Variants in PNPLA1 observed in about 807,000 individuals in gnomAD.
PNPLA1 encodes omega-hydroxyceramide transacylase.
Under a neutral mutation model 51.7 loss-of-function variants are expected in PNPLA1, and 36 were observed. That is an observed-to-expected ratio of 0.70 (90% CI 0.53 to 0.92). The LOEUF (loss-of-function observed/expected upper bound fraction) is 0.92, where lower values mean the gene tolerates loss of function less well. Among genes scored for constraint, PNPLA1 ranks in the 40% least tolerant of loss-of-function variants. The pLI is 0.00. For synonymous variants in PNPLA1, 293 were observed against 280.1 expected, an observed-to-expected ratio of 1.05 and a Z score of -0.46; for missense variants, 658 against 682.5, an observed-to-expected ratio of 0.96 and a Z score of 0.40.
intron 6 of PNPLA1, among the ~76,000 whole-genome samples, chr6:36,304,479 T>G (rs1009811009): frequency 7.9e-5 from 12 of 151,840 alleles, no homozygotes; most frequent in Middle Eastern, 3.4e-3. Context: ...TACAAAAAAT[T>G]AGCCGGGCAT....
intron 1 of PNPLA1, among the ~76,000 whole-genome samples, chr6:36,279,973 C>T (rs941546933): frequency 2.0e-5 from 3 of 151,842 alleles, no homozygotes; most frequent in Non-Finnish European, 4.4e-5. Context: ...TTTGGGAGGC[C>T]GAGGCAGGCA....
At chr6:36,284,273 A>G (rs1189649768) in intron 1 of PNPLA1, among the ~76,000 whole-genome samples, 1 of 152,212 alleles carries the variant, frequency 6.6e-6, no homozygotes, top group Non-Finnish European at 1.5e-5. Context: ...AAATCCAATT[A>G]TTTAGTAAAC....
chr6:36,270,697 C>G, intron 1 of PNPLA1, 33 bp downstream of exon 1: 3 of 1,545,654 alleles, frequency 1.9e-6, no homozygotes, highest in Non-Finnish European at 2.6e-6. Flanking sequence ...CCTGGGAAGT[C>G]TCTTGGGGGA....
intron 8 of PNPLA1, among the ~76,000 whole-genome samples, chr6:36,311,341 G>A (rs779122480): frequency 4.6e-5 from 7 of 152,180 alleles, no homozygotes; most frequent in Non-Finnish European, 1.0e-4. Context: ...CCAGGCACAC[G>A]GGATGGCCCA....
chr6:36,246,606 A>G (rs936823134), intron 1 of PNPLA1, among the ~76,000 whole-genome samples: 1 of 152,190 alleles, frequency 6.6e-6, no homozygotes, highest in South Asian at 2.1e-4. Context: ...AAATGGTGGC[A>G]TCTACTTGGT....
rs752503498 is a variant in PNPLA1, at chr6:36,291,375, G to A, written c.261G>A (p.Leu87=). The change falls in exon 2 of 9, where the codon CTG becomes CTA. Residue 87 remains leucine (L), a synonymous_variant. Transcript: ENST00000636260. The stretch of plus-strand genomic sequence containing the variant: ...TGGCCGAGGTGAAGAAATCCTTCCT[G>A]GGGCCCTTGTCCCCGTCCTGTAAGA... The part of the protein sequence containing the change: ...VGVAEVKKSF[L]GPLSPSCKMV... 1 of 1,614,144 alleles carries A rather than the reference G, an allele frequency of 6.2e-7. No homozygotes were observed. Among genetic ancestry groups the A allele is most frequent in the Non-Finnish European group, 8.5e-7 (1 of 1,180,022 alleles).
At chr6:36,275,797 G>T (rs1770073440) in intron 1 of PNPLA1, among the ~76,000 whole-genome samples, 1 of 152,042 alleles carries the variant, frequency 6.6e-6, no homozygotes, top group South Asian at 2.1e-4. Context: ...GACTGAAATT[G>T]CATCTTTCCA....
At chr6:36,302,601 T>G in intron 6 of PNPLA1, 132 bp downstream of exon 6, 2 of 1,244,814 alleles carry the variant, frequency 1.6e-6, no homozygotes, top group Non-Finnish European at 1.1e-6. Flanking sequence ...TTAGCATCTC[T>G]GTCCATTATG....
At chr6:36,304,916 C>T (rs1771184800) in intron 6 of PNPLA1, among the ~76,000 whole-genome samples, 1 of 152,154 alleles carries the variant, frequency 6.6e-6, no homozygotes, top group Admixed American at 6.5e-5. Flanking sequence ...CTAGTGGTTA[C>T]AGGCTGGGGA....
intron 1 of PNPLA1, among the ~76,000 whole-genome samples, chr6:36,250,980 G>A (rs1490603490): frequency 2.0e-5 from 3 of 152,180 alleles, no homozygotes; most frequent in Non-Finnish European, 4.4e-5. Flanking sequence ...GGGATTACAG[G>A]TGTGAGCCAC....
chr6:36,285,436 C>A (rs1030362596), intron 1 of PNPLA1, among the ~76,000 whole-genome samples: 2 of 152,234 alleles, frequency 1.3e-5, no homozygotes, highest in Non-Finnish European at 2.9e-5. Context: ...ATTCCGGTAC[C>A]CTGTGAACGG....
At chr6:36,306,898 A>G (rs1050927831) in intron 7 of PNPLA1, among the ~76,000 whole-genome samples, 1 of 152,186 alleles carries the variant, frequency 6.6e-6, no homozygotes, top group Non-Finnish European at 1.5e-5. Flanking sequence ...GTTGCATAAC[A>G]TACACTCCAT....
chr6:36,294,672 C>T lies in PNPLA1; in HGVS notation c.714+273C>T, dbSNP rs1326645226. ...GAAATATTAACTGAACCCATCCATT[C>T]AGACAGTTCATGTCCCAAATCAAAG... On this transcript the variant is annotated intron_variant, in intron 4 of 8. Coordinates refer to ENST00000636260, the MANE Select transcript of PNPLA1 (RefSeq NM_001374623.1). This position sits in a 1 kb window ranked among gnomAD's most constrained non-coding sequence, Gnocchi z 4.2. Among the ~76,000 whole-genome samples, 1 of 152,204 alleles carries T rather than the reference C, an allele frequency of 6.6e-6. No homozygotes were observed. The highest frequency in any genetic ancestry group is 2.4e-5 in the African/African-American group (1 of 41,450).
At chr6:36,287,269 G>A (rs1262925304) in intron 1 of PNPLA1, among the ~76,000 whole-genome samples, 4 of 152,166 alleles carry the variant, frequency 2.6e-5, no homozygotes, top group Non-Finnish European at 5.9e-5. Context: ...CCTCAGGGGA[G>A]GTTTCTGAGG....
At chr6:36,299,575 C>T (rs1031345749) in intron 5 of PNPLA1, among the ~76,000 whole-genome samples, 10 of 152,128 alleles carry the variant, frequency 6.6e-5, no homozygotes, top group Admixed American at 6.5e-4. Flanking sequence ...ACCTCGTGAT[C>T]CACCCGCCTC....
chr6:36,296,689 A>G (rs911191865), intron 5 of PNPLA1, among the ~76,000 whole-genome samples: 13 of 152,216 alleles, frequency 8.5e-5, no homozygotes, highest in Non-Finnish European at 1.6e-4. Context: ...CTTTCTCCCA[A>G]CAAGGGGGGT....
chr6:36,273,678 T>G (rs1769996526), intron 1 of PNPLA1, among the ~76,000 whole-genome samples: 1 of 121,478 alleles, frequency 8.2e-6, no homozygotes, highest in Admixed American at 1.2e-4. Flanking sequence ...AGATTGTGTG[T>G]GGGTCCAGGA....
chr6:36,273,196 C>T (rs1040050129), intron 1 of PNPLA1, among the ~76,000 whole-genome samples: 6 of 151,666 alleles, frequency 4.0e-5, no homozygotes, highest in African/African-American at 1.2e-4. Flanking sequence ...AGTGAGATCG[C>T]GCTACTACAC....
chr6:36,295,414 G>A lies in PNPLA1; in HGVS notation c.765G>A (p.Leu255=), dbSNP rs769734928. ...YRGYEDAVLY[L]RRLNAVYLNS... ...GGTACGAGGATGCAGTTTTGTACTT[G>A]AGGCGGCTGAGTAAGTACCGGTGGG... Residue 255 remains leucine, a synonymous_variant, in exon 5 of 9, where the codon TTG becomes TTA. Transcript: ENST00000636260. 6.2e-7 allele frequency: 1 copy of A among 1,614,090 alleles called. No homozygotes were observed. Among genetic ancestry groups the A allele is most frequent in the East Asian group, 2.2e-5 (1 of 44,892 alleles).
Sources: gnomAD v4.1 joint callset for allele counts (sites outside exome capture counted in the v4.1 genomes callset) on GRCh38, gnomAD v4.1.1 for gene constraint, Gnocchi (gnomAD v3.1) non-coding constraint, MANE v1.5 for transcripts, NCBI Gene and HGNC (gene_info 2026-07-23, HGNC 2026-07-21) for gene names.